UBXN2B: variants seen among roughly 807,000 people sequenced by gnomAD.
UBXN2B encodes the protein UBX domain protein 2B.
A neutral mutation model predicts 37.5 loss-of-function variants in UBXN2B; 19 were observed. That is an observed-to-expected ratio of 0.51 (90% CI 0.35 to 0.74). The LOEUF (loss-of-function observed/expected upper bound fraction) is 0.74. Among genes scored for constraint, UBXN2B ranks in the 30% least tolerant of loss-of-function variants. The pLI is 0.01. For synonymous variants in UBXN2B, 145 were observed against 143.8 expected, an observed-to-expected ratio of 1.01 and a Z score of -0.06; for missense variants, 370 against 393.2, an observed-to-expected ratio of 0.94 and a Z score of 0.50.
chr8:58,436,485 C>A (rs143348291), intron 5 of UBXN2B, among the ~76,000 whole-genome samples: 1 of 152,206 alleles, frequency 6.6e-6, no homozygotes, highest in African/African-American at 2.4e-5. Context: ...ACATCCCCTA[C>A]CTCGACACTG....
At chr8:58,436,126 TC>T (rs144435226) in intron 5 of UBXN2B, among the ~76,000 whole-genome samples, 12,769 of 152,284 alleles carry the variant, frequency 0.084, 687 homozygotes, top group East Asian at 0.15. Context: ...GTCTAGCACT[TC>T]CTATGTAAAT....
chr8:58,436,009 G>C (rs951202149), intron 5 of UBXN2B, among the ~76,000 whole-genome samples: 14 of 152,214 alleles, frequency 9.2e-5, no homozygotes, highest in Admixed American at 7.8e-4. Context: ...TAAATATATT[G>C]AAGAAATAAA....
At chr8:58,418,700 T>C (rs974726040) in intron 2 of UBXN2B, among the ~76,000 whole-genome samples, 2 of 152,248 alleles carry the variant, frequency 1.3e-5, no homozygotes, top group Non-Finnish European at 2.9e-5. Flanking sequence ...TGTAAGATAC[T>C]GTGTGTCCTT....
chr8:58,418,510 C>G (rs549432125), intron 2 of UBXN2B, among the ~76,000 whole-genome samples: 1 of 152,242 alleles, frequency 6.6e-6, no homozygotes, highest in East Asian at 1.9e-4. Context: ...TATAAAATGT[C>G]TAACATTGTA....
chr8:58,429,437 A>G (rs1808190830), intron 2 of UBXN2B, among the ~76,000 whole-genome samples: 2 of 152,140 alleles, frequency 1.3e-5, no homozygotes, highest in African/African-American at 4.8e-5. Flanking sequence ...CTCCTGCTCT[A>G]GATAAATTTG....
chr8:58,444,403 T>G (rs1357132195), intron 6 of UBXN2B, among the ~76,000 whole-genome samples: 8 of 152,218 alleles, frequency 5.3e-5, no homozygotes, highest in Non-Finnish European at 1.2e-4. Context: ...GTGACTTGCC[T>G]GGTGTTACAG....
intron 2 of UBXN2B, among the ~76,000 whole-genome samples, chr8:58,419,663 G>A (rs1183877265): frequency 6.6e-6 from 1 of 152,200 alleles, no homozygotes; most frequent in Admixed American, 6.5e-5. Flanking sequence ...TACTTAGCTG[G>A]GCCTTAAAAG....
At chr8:58,443,422 A>G (rs149876587) in intron 6 of UBXN2B, among the ~76,000 whole-genome samples, 157 of 152,216 alleles carry the variant, frequency 1.0e-3, no homozygotes, top group African/African-American at 3.7e-3. Flanking sequence ...AAGTTTTACT[A>G]TGGCTTGATC....
intron 2 of UBXN2B, chr8:58,425,894 C>T (rs1808070354): frequency 1.7e-6 from 2 of 1,188,168 alleles, no homozygotes; most frequent in African/African-American, 1.5e-5. Flanking sequence ...ATTGTTCTCC[C>T]CTTTGTCATC....
chr8:58,419,727 G>A (rs185395136), intron 2 of UBXN2B, among the ~76,000 whole-genome samples: 26 of 152,272 alleles, frequency 1.7e-4, no homozygotes, highest in South Asian at 6.2e-4. Flanking sequence ...CAAAATTCCA[G>A]GAACAGAGAG....
chr8:58,424,432 G>A (rs1808018070), intron 2 of UBXN2B, among the ~76,000 whole-genome samples: 1 of 152,124 alleles, frequency 6.6e-6, no homozygotes, highest in Non-Finnish European at 1.5e-5. Context: ...TCTTTAAATG[G>A]TTTCAAATTT....
rs1217279257 is a variant in UBXN2B, at chr8:58,434,609, G to T, written c.533+105G>T. On this transcript the variant is annotated intron_variant, in intron 5 of 7. Transcript: ENST00000399598. ...TACGGGTTTTCAAGAAGTAGTTCCT[G>T]GAATATATTAAATAAATGGTTGCTG... is the stretch of plus-strand genomic sequence containing the variant. 4 of 981,280 alleles carry T rather than the reference G, an allele frequency of 4.1e-6. No homozygotes were observed. In the East Asian group the frequency reaches 8.3e-5, roughly 20 times the overall value. The allele number at this position is 981,280 out of a possible 1,614,324, so 60.8% of individuals were successfully genotyped here.
chr8:58,423,064 C>T (rs1807968673), intron 2 of UBXN2B, among the ~76,000 whole-genome samples: 1 of 148,026 alleles, frequency 6.8e-6, no homozygotes, highest in African/African-American at 2.5e-5. Flanking sequence ...CTCCAGCTCT[C>T]TTCTGGTGAG....
intron 2 of UBXN2B, among the ~76,000 whole-genome samples, chr8:58,429,106 C>T (rs1030325481): frequency 2.6e-5 from 4 of 152,098 alleles, no homozygotes; most frequent in South Asian, 4.2e-4. Flanking sequence ...TTTGCTATGA[C>T]CGATTTTTGC....
At chr8:58,425,271 A>G in intron 2 of UBXN2B, 2 of 1,147,494 alleles carry the variant, frequency 1.7e-6, no homozygotes, top group Non-Finnish European at 2.6e-6. Context: ...AGTATTTGAC[A>G]CATTTACTCT....
rs559562234 is a variant in UBXN2B at position 58,449,419 on chromosome 8, A to C, written c.*1868A>C. On this transcript the variant is annotated 3_prime_UTR_variant, in exon 8 of 8. Transcript: ENST00000399598. ...TATTACAGCATCAACTCTAAATCCA[A>C]AATCTTATCTGAGTCTCACCAACTC... 6.6e-6 allele frequency: 1 copy of C among 152,214 alleles called. No homozygotes were observed. The highest frequency in any genetic ancestry group is 2.1e-4 in the South Asian group (1 of 4,808). The allele number at this position is 152,214 out of a possible 1,614,324, so 9.4% of individuals were successfully genotyped here.
intron 5 of UBXN2B, among the ~76,000 whole-genome samples, chr8:58,438,197 G>C (rs1006694243): frequency 1.3e-5 from 2 of 152,244 alleles, no homozygotes; most frequent in African/African-American, 2.4e-5. Context: ...CAGGCACACA[G>C]AATGCACAAG....
In UBXN2B at chr8:58,447,700, A is replaced by G. The variant is rs1808713006; in HGVS notation, c.*149A>G. 4 of 701,200 alleles carry G rather than the reference A, an allele frequency of 5.7e-6. No individual in the cohort carries two copies. The allele number at this position is 701,200 out of a possible 1,614,324, so 43.4% of individuals were successfully genotyped here. ...ATTGTTATTCTGTCTTCCAATCTGA[A>G]TATAGACAAATTTGGATTAGGAATA... On this transcript the variant is annotated 3_prime_UTR_variant, in exon 8 of 8. Coordinates refer to ENST00000399598, the MANE Select transcript of UBXN2B (RefSeq NM_001077619.2).
At chr8:58,429,592 C>G (rs1241687155) in intron 2 of UBXN2B, among the ~76,000 whole-genome samples, 2 of 152,032 alleles carry the variant, frequency 1.3e-5, no homozygotes, top group African/African-American at 4.8e-5. Context: ...AAAGTGAGAG[C>G]TGGTCTGTTC....
Sources: gnomAD v4.1 joint callset for allele counts (sites outside exome capture counted in the v4.1 genomes callset) on GRCh38, gnomAD v4.1.1 for gene constraint, MANE v1.5 for transcripts, NCBI Gene and HGNC (gene_info 2026-07-23, HGNC 2026-07-21) for gene names.